The following MTREX variants were observed in gnomAD, a reference collection of about 807,000 sequenced individuals.
The protein encoded by MTREX is exosome RNA helicase MTR4.
Under a neutral mutation model 135.4 loss-of-function variants are expected in MTREX, and 76 were observed. The observed-to-expected ratio is 0.56, with a 90% CI of 0.47 to 0.68. The LOEUF is 0.68. Among genes scored for constraint, MTREX ranks in the 30% least tolerant of loss-of-function variants. The probability of loss-of-function intolerance (pLI) is 0.00; values close to 1 mark genes in which losing one functional copy is unlikely to be tolerated. For missense variants in MTREX, 920 were observed against 1,262.1 expected (o/e 0.73, Z 4.11); for synonymous variants, 404 against 401.6 (o/e 1.01, Z -0.07).
intron 3 of MTREX, among the ~76,000 whole-genome samples, chr5:55,325,673 A>G (rs1009288251): frequency 1.8e-4 from 28 of 152,022 alleles, no homozygotes; most frequent in African/African-American, 5.3e-4. Context: ...TTACATGGGT[A>G]TATCGTGTAA....
In MTREX at chr5:55,343,451, A is replaced by C; in HGVS notation, c.902A>C (p.Lys301Thr). The change falls in exon 8 of 27, where the codon AAA becomes ACA. Residue 301 changes from lysine to threonine, a missense_variant. By Grantham distance (78) the Lys-to-Thr change is moderately conservative. Transcript: ENST00000230640. ...GCTGAATGGATTTGCCATTTACATA[A>C]ACAGGTATTTTTTCCTCCTTTTTTG... Reference protein sequence around the residue: ...QFAEWICHLHKQPCHVIYTDY... With the variant: ...QFAEWICHLHTQPCHVIYTDY... The C allele has an allele frequency of 6.2e-7, 1 of 1,611,338 alleles. No homozygotes were observed. The highest frequency in any genetic ancestry group is 8.5e-7 in the Non-Finnish European group (1 of 1,179,164).
At chr5:55,341,843 T>G in intron 7 of MTREX, 72 bp downstream of exon 7, 1 of 745,826 alleles carries the variant, frequency 1.3e-6, no homozygotes, top group African/African-American at 1.8e-5. Flanking sequence ...AGCAAGTTAT[T>G]GTTAAACTTT....
intron 5 of MTREX, among the ~76,000 whole-genome samples, chr5:55,334,325 T>C (rs953482791): frequency 6.6e-6 from 1 of 152,136 alleles, no homozygotes; most frequent in Admixed American, 6.5e-5. Context: ...TTATGTTATG[T>C]GAATTTCACT....
chr5:55,418,302 A>AT (rs1359009251), intron 25 of MTREX, among the ~76,000 whole-genome samples: 5 of 149,500 alleles, frequency 3.3e-5, no homozygotes, highest in East Asian at 3.9e-4. Context: ...AGATGAGTAT[A>AT]TTTTTTTTTA....
chr5:55,425,152 C>T lies in MTREX; in HGVS notation c.*380C>T, dbSNP rs1476142020. The T allele has an allele frequency of 1.3e-6, 2 of 1,574,502 alleles. No individual in the cohort carries two copies. Among genetic ancestry groups the T allele is most frequent in the Admixed American group, 4.0e-5 (2 of 50,362 alleles). ...AAAGATGCATCCTCTTGCCTTGTGG[C>T]AATCATTTTCCTTTAGAAAACAGGC... On this transcript the variant is annotated 3_prime_UTR_variant, in exon 27 of 27. Transcript: ENST00000230640.
rs1259598624 is a variant in MTREX, at chr5:55,345,162, A to G, written c.1074A>G (p.Lys358=). The G allele has an allele frequency of 5.0e-6, 8 of 1,613,284 alleles. No homozygotes were observed. The highest frequency in any genetic ancestry group is 1.3e-5 in the African/African-American group (1 of 74,896). Residue 358 remains lysine (K), a synonymous_variant, in exon 10 of 27, where the codon AAA becomes AAG. Transcript: ENST00000230640. ...QVLRDAGDLA[K]GDQKGRKGGT... is the part of the protein sequence containing the mutation. ...TTCGAGATGCAGGTGATTTGGCCAA[A>G]GGAGACCAGAAAGGGCGGAAAGGAG...
At chr5:55,407,979 A>C (rs1191688819) in intron 22 of MTREX, among the ~76,000 whole-genome samples, 2 of 151,876 alleles carry the variant, frequency 1.3e-5, no homozygotes, top group Non-Finnish European at 2.9e-5. Context: ...GCTGGTCTTG[A>C]ACTCCTGTAA....
intron 14 of MTREX, chr5:55,357,600 T>C (rs1382969177): frequency 6.6e-6 from 1 of 152,496 alleles, no homozygotes; most frequent in East Asian, 1.9e-4. Flanking sequence ...CTATACCTCA[T>C]ACAGGCAGTG....
chr5:55,389,833 C>T (rs1446084786), intron 19 of MTREX, among the ~76,000 whole-genome samples: 27 of 145,716 alleles, frequency 1.9e-4, no homozygotes, highest in Admixed American at 1.8e-3. Flanking sequence ...TATATATTTA[C>T]ATATAATTAT....
chr5:55,406,641 T>C (rs1210222885), intron 22 of MTREX, among the ~76,000 whole-genome samples: 1 of 152,232 alleles, frequency 6.6e-6, no homozygotes, highest in Non-Finnish European at 1.5e-5. Flanking sequence ...TGGCTATTGT[T>C]CAGTATGGCT....
rs1277047027 is a variant in MTREX at position 55,324,112 on chromosome 5, T to C, written c.273-20T>C. The C allele has an allele frequency of 6.3e-7, 1 of 1,589,424 alleles. No individual in the cohort carries two copies. The highest frequency in any genetic ancestry group is 2.3e-5 in the East Asian group (1 of 43,888). ...GAAAAGTAATTTGTTTTTGTGTAACTTTAAACAATTCTTTTTAAGTTTGGC... is the reference window on the plus strand; with the variant it reads ...GAAAAGTAATTTGTTTTTGTGTAACCTTAAACAATTCTTTTTAAGTTTGGC... On this transcript the variant is annotated intron_variant, in intron 2 of 26. Coordinates refer to ENST00000230640, the MANE Select transcript of MTREX (RefSeq NM_015360.5).
At chr5:55,321,376 T>C (rs997709213) in intron 1 of MTREX, among the ~76,000 whole-genome samples, 1 of 152,156 alleles carries the variant, frequency 6.6e-6, no homozygotes, top group Non-Finnish European at 1.5e-5. Flanking sequence ...AGTCCTTTGC[T>C]CATTTTTTTA....
intron 18 of MTREX, among the ~76,000 whole-genome samples, chr5:55,381,036 C>G (rs1321378450): frequency 2.6e-5 from 4 of 152,140 alleles, no homozygotes; most frequent in Non-Finnish European, 1.5e-5. Context: ...GCATGTTCTT[C>G]AGATTGTCTG....
chr5:55,335,198 G>A (rs761540460), intron 5 of MTREX, among the ~76,000 whole-genome samples: 10 of 152,090 alleles, frequency 6.6e-5, no homozygotes, highest in South Asian at 4.1e-4. Flanking sequence ...GTTGTAAGAA[G>A]TCTTTATTAG....
chr5:55,327,500 G>T, intron 3 of MTREX: 1 of 496,624 alleles, frequency 2.0e-6, no homozygotes, highest in Non-Finnish European at 3.6e-6. Context: ...ATTACCCTTA[G>T]ACAAATGCGA....
chr5:55,404,572 C>G (rs895285705), intron 21 of MTREX, among the ~76,000 whole-genome samples: 2 of 152,242 alleles, frequency 1.3e-5, no homozygotes, highest in Middle Eastern at 3.4e-3. Flanking sequence ...TAAGCTACCC[C>G]CTGATGCCCT....
At chr5:55,327,173 T>C (rs1311773714) in intron 3 of MTREX, among the ~76,000 whole-genome samples, 5 of 152,242 alleles carry the variant, frequency 3.3e-5, no homozygotes, top group Non-Finnish European at 7.3e-5. Context: ...TGCATGTGTC[T>C]TTGTAGTAGA....
chr5:55,334,660 G>A (rs1749526009), intron 5 of MTREX, among the ~76,000 whole-genome samples: 1 of 151,884 alleles, frequency 6.6e-6, no homozygotes, highest in African/African-American at 2.4e-5. Flanking sequence ...TAGTAAATCG[G>A]TACAATTGTG....
intron 5 of MTREX, among the ~76,000 whole-genome samples, chr5:55,333,706 A>G (rs1749510678): frequency 6.6e-6 from 1 of 152,186 alleles, no homozygotes; most frequent in Non-Finnish European, 1.5e-5. Flanking sequence ...GTTATAATGT[A>G]GAATTGTCAT....
Sources: allele counts gnomAD v4.1 joint callset (sites outside exome capture counted in the v4.1 genomes callset), GRCh38; gene constraint gnomAD v4.1.1; transcripts MANE v1.5; gene names NCBI Gene and HGNC (gene_info 2026-07-23, HGNC 2026-07-21).